CACNA1I: variants seen among roughly 807,000 people sequenced by gnomAD.
The protein encoded by CACNA1I is voltage-dependent T-type calcium channel subunit alpha-1I.
Under a neutral mutation model 201.6 loss-of-function variants are expected in CACNA1I, and 74 were observed. That is an observed-to-expected ratio of 0.37 (90% confidence interval 0.30 to 0.45). CACNA1I has a LOEUF of 0.45. Among genes scored for constraint, CACNA1I ranks in the 20% least tolerant of loss-of-function variants. The pLI is 1.00. For missense variants in CACNA1I, 2,346 were observed against 3,138.1 expected (o/e 0.75, Z 6.03); for synonymous variants, 1,431 against 1,345.2 (o/e 1.06, Z -1.40).
chr22:39,574,090 A>G (rs1340130698), intron 1 of CACNA1I, among the ~76,000 whole-genome samples: 1 of 152,232 alleles, frequency 6.6e-6, no homozygotes, highest in Non-Finnish European at 1.5e-5. Flanking sequence ...TCAAAAGCAC[A>G]GCAACTTTAA....
At chr22:39,620,702 A>G (rs1351140452) in intron 4 of CACNA1I, among the ~76,000 whole-genome samples, 1 of 151,362 alleles carries the variant, frequency 6.6e-6, no homozygotes, top group Non-Finnish European at 1.5e-5. Context: ...AGAGAGGATG[A>G]GGGCCCTGCC....
At chr22:39,635,142 G>C (rs893428688) in intron 5 of CACNA1I, among the ~76,000 whole-genome samples, 2 of 152,218 alleles carry the variant, frequency 1.3e-5, no homozygotes, top group African/African-American at 4.8e-5. Flanking sequence ...CCGTGCTTCC[G>C]TAGTGGTGGG....
chr22:39,614,564 T>A (rs1933475572), intron 3 of CACNA1I, among the ~76,000 whole-genome samples: 1 of 152,230 alleles, frequency 6.6e-6, no homozygotes. Context: ...TTCCCTGCAG[T>A]CCTGGCTTAA....
intron 4 of CACNA1I, among the ~76,000 whole-genome samples, chr22:39,623,451 AGT>A (rs922752854): frequency 6.7e-6 from 1 of 149,998 alleles, no homozygotes; most frequent in African/African-American, 2.5e-5. Flanking sequence ...TGCCTATGAA[AGT>A]GTGTGTGTTG....
At position 39,663,826 on chromosome 22, in the gene CACNA1I, C is replaced by A. The variant is rs921389942; in HGVS notation, c.3582C>A (p.Ile1194=). ...CITIALERPQ[I]EAGSTERIFL... ...CCATCGCCCTGGAGCGGCCTCAGAT[C>A]GAGGCCGGCAGCACCGTGAGTGGCT... The change falls in exon 19 of 37, where the codon ATC becomes ATA. Residue 1194 remains isoleucine (I), a synonymous_variant. Transcript: ENST00000402142. 1.2e-6 allele frequency: 2 copies of A among 1,613,480 alleles called. No individual in the cohort carries two copies. Among genetic ancestry groups the A allele is most frequent in the Non-Finnish European group, 1.7e-6 (2 of 1,179,680 alleles).
In CACNA1I at chr22:39,645,094, C is replaced by T. The variant is rs552797791; in HGVS notation, c.1150-1475C>T. Among the ~76,000 whole-genome samples, 3 of 149,342 alleles carry T rather than the reference C, an allele frequency of 2.0e-5. No individual in the cohort carries two copies. In the South Asian group the frequency reaches 6.5e-4, roughly 32 times the overall value. On this transcript the variant is annotated intron_variant, in intron 7 of 36. Coordinates refer to ENST00000402142, the MANE Select transcript of CACNA1I (RefSeq NM_021096.4). ...CTCTGCCTTCCGGGTTCAAGTGATTCTCCTACCTCAGCTTCCTGAGTAGCT... is the reference window on the plus strand; with the variant it reads ...CTCTGCCTTCCGGGTTCAAGTGATTTTCCTACCTCAGCTTCCTGAGTAGCT...
chr22:39,681,398 G>A (rs922515732), intron 34 of CACNA1I, among the ~76,000 whole-genome samples: 21 of 152,218 alleles, frequency 1.4e-4, no homozygotes, highest in Non-Finnish European at 5.9e-5. Context: ...TCAGGCACAA[G>A]CACCTGCTAT....
intron 1 of CACNA1I, among the ~76,000 whole-genome samples, chr22:39,580,416 C>T (rs567406419): frequency 1.3e-5 from 2 of 152,306 alleles, no homozygotes; most frequent in South Asian, 2.1e-4. Context: ...AGGAGCCTGA[C>T]CCCCAGGGCA....
intron 1 of CACNA1I, among the ~76,000 whole-genome samples, chr22:39,576,157 T>C (rs3788556): frequency 0.6 from 91,346 of 152,062 alleles, 28,443 homozygotes; most frequent in East Asian, 0.96. Context: ...TTTCCCCCTC[T>C]CTGAGCCTCA....
In CACNA1I at chr22:39,649,701, G is replaced by A; in HGVS notation, c.1768G>A (p.Asp590Asn). The A allele has an allele frequency of 2.0e-6, 3 of 1,522,468 alleles. No individual in the cohort carries two copies. Among genetic ancestry groups the A allele is most frequent in the Non-Finnish European group, 2.7e-6 (3 of 1,131,922 alleles). The allele number at this position is 1,522,468 out of a possible 1,614,324, so 94.3% of individuals were successfully genotyped here. The change falls in exon 10 of 37, where the codon GAT becomes AAT. Residue 590 changes from aspartate to asparagine, a missense_variant. Physicochemically the swap from Asp to Asn is conservative, Grantham distance 23 (BLOSUM62 1). This residue lies in a region of CACNA1I where 312 missense variants were observed against 331.5 expected (regional missense o/e 0.94). Transcript: ENST00000402142. The surrounding 1 kb of genome is among the most constrained non-coding windows in gnomAD (Gnocchi z 7.3). ...GSSAGGEDEA[D>N]GDGARSSEDG... ...CTCCGCTGGTGGCGAGGACGAGGCG[G>A]ATGGGGACGGGGCCCGGAGCAGCGA...
At position 39,676,236 on chromosome 22, in the gene CACNA1I, TC is replaced by T. The variant is rs1214984290; in HGVS notation, c.4855-1103del. Among the ~76,000 whole-genome samples the T allele has an allele frequency of 2.0e-5, 3 of 152,236 alleles. No homozygotes were observed. The highest frequency in any genetic ancestry group is 7.2e-5 in the African/African-American group (3 of 41,466). On this transcript the variant is annotated intron_variant, in intron 29 of 36. Coordinates refer to ENST00000402142, the MANE Select transcript of CACNA1I (RefSeq NM_021096.4). The surrounding 1 kb of genome is among the most constrained non-coding windows in gnomAD (Gnocchi z 4.8). ...TTCCTAGAGCCGCGACCACGCCAGA[TC>T]CTTCTCAGCGGTCAGGGCCTTACAG... is the stretch of plus-strand genomic sequence containing the variant.
intron 3 of CACNA1I, among the ~76,000 whole-genome samples, chr22:39,601,336 C>T (rs768255632): frequency 4.6e-5 from 7 of 152,244 alleles, no homozygotes; most frequent in Non-Finnish European, 1.0e-4. Flanking sequence ...CCACCTGCTA[C>T]GCCAGTGGGC....
chr22:39,662,488 T>A, intron 17 of CACNA1I, 53 bp downstream of exon 17: 1 of 1,279,802 alleles, frequency 7.8e-7, no homozygotes, highest in Non-Finnish European at 1.0e-6. Flanking sequence ...AGGACAGAAG[T>A]GGGTGCGGCC....
chr22:39,617,644 C>T (rs982209728), intron 3 of CACNA1I, among the ~76,000 whole-genome samples: 9 of 152,146 alleles, frequency 5.9e-5, no homozygotes, highest in Non-Finnish European at 1.0e-4. Context: ...GCTCTTTCTA[C>T]AAAATGTGAA....
chr22:39,571,473 G>T (rs1932182502), intron 1 of CACNA1I, among the ~76,000 whole-genome samples: 1 of 152,142 alleles, frequency 6.6e-6, no homozygotes, highest in African/African-American at 2.4e-5. Flanking sequence ...TCCACTTGCT[G>T]CCTCCAGTGG....
intron 27 of CACNA1I, 134 bp from the exon 28 acceptor site, chr22:39,672,815 G>T: frequency 1.1e-6 from 1 of 902,200 alleles, no homozygotes; most frequent in Non-Finnish European, 1.6e-6. Context: ...GGGCTAGTAA[G>T]GGAGGGCAGC....
chr22:39,616,528 G>C (rs899981713), intron 3 of CACNA1I, among the ~76,000 whole-genome samples: 1 of 152,076 alleles, frequency 6.6e-6, no homozygotes, highest in African/African-American at 2.4e-5. Flanking sequence ...ACTTTGGGAG[G>C]CCAAAGTGGG....
At chr22:39,680,905 C>T (rs1160622683) in intron 33 of CACNA1I, 25 bp from the exon 34 acceptor site, 2 of 1,599,126 alleles carry the variant, frequency 1.3e-6, no homozygotes, top group Admixed American at 3.4e-5. Flanking sequence ...CCTGGGTGAC[C>T]CGAGGCCACC....
intron 3 of CACNA1I, among the ~76,000 whole-genome samples, 191 bp downstream of exon 3, chr22:39,600,844 C>T (rs145206500): frequency 3.3e-4 from 51 of 152,244 alleles, no homozygotes; most frequent in African/African-American, 1.2e-3. Context: ...GTGCGTCCTC[C>T]AGCACTGCCA....
Sources: allele counts gnomAD v4.1 joint callset (sites outside exome capture counted in the v4.1 genomes callset), GRCh38; gene constraint gnomAD v4.1.1; regional missense constraint gnomAD v4.1.1; non-coding constraint Gnocchi (gnomAD v3.1); transcripts MANE v1.5; gene names NCBI Gene and HGNC (gene_info 2026-07-23, HGNC 2026-07-21).